MYO1B: variants seen among roughly 807,000 people sequenced by gnomAD.
The protein encoded by MYO1B is unconventional myosin-Ib.
A neutral mutation model predicts 159.7 loss-of-function variants in MYO1B; 72 were observed. The ratio of observed to expected loss-of-function variants is 0.45; its 90% CI spans 0.37 to 0.55. The LOEUF is 0.55. MYO1B is among the 20% of genes least tolerant of loss of function. MYO1B has a pLI of 0.00. For missense variants in MYO1B, 1,062 were observed against 1,364.8 expected (o/e 0.78, Z 3.50); for synonymous variants, 468 against 473.8 (o/e 0.99, Z 0.16).
chr2:191,257,177 CTT>C (rs1686504062), intron 1 of MYO1B, among the ~76,000 whole-genome samples: 1 of 152,086 alleles, frequency 6.6e-6, no homozygotes, highest in South Asian at 2.1e-4. Context: ...GTAAATATAA[CTT>C]TTCACTCTCA....
intron 7 of MYO1B, 196 bp downstream of exon 7, chr2:191,350,421 A>G: frequency 2.7e-6 from 1 of 374,016 alleles, no homozygotes; most frequent in South Asian, 5.2e-5. Flanking sequence ...ATCACTTAAC[A>G]TCTTTACCTT....
At chr2:191,417,698 A>C (rs1697659708) in intron 30 of MYO1B, among the ~76,000 whole-genome samples, 1 of 152,246 alleles carries the variant, frequency 6.6e-6, no homozygotes, top group African/African-American at 2.4e-5. Context: ...TTGCTTGTAC[A>C]GGATGCTAAT....
At chr2:191,349,845 C>T (rs895428233) in intron 6 of MYO1B, among the ~76,000 whole-genome samples, 5 of 152,272 alleles carry the variant, frequency 3.3e-5, no homozygotes, top group South Asian at 2.1e-4. Flanking sequence ...TATTTTTCTT[C>T]TGTTTTTATT....
At chr2:191,405,579 GAGCTGC>G (rs1696867871) in intron 24 of MYO1B, among the ~76,000 whole-genome samples, 1 of 152,196 alleles carries the variant, frequency 6.6e-6, no homozygotes. Context: ...CTTGATCCAT[GAGCTGC>G]AGAATGGATG....
chr2:191,358,594 G>A (rs189894882), intron 7 of MYO1B, among the ~76,000 whole-genome samples: 3 of 152,348 alleles, frequency 2.0e-5, no homozygotes, highest in Admixed American at 2.0e-4. Flanking sequence ...TGGCCAGTGT[G>A]TTGCTGTTGC....
At chr2:191,252,830 A>C (rs1686204899) in intron 1 of MYO1B, among the ~76,000 whole-genome samples, 1 of 152,204 alleles carries the variant, frequency 6.6e-6, no homozygotes, top group African/African-American at 2.4e-5. Context: ...TTGTGCTAAT[A>C]GCCTTTTCAT....
At chr2:191,387,848 A>G (rs1695486367) in intron 17 of MYO1B, 1 of 254,518 alleles carries the variant, frequency 3.9e-6, no homozygotes. Flanking sequence ...CTTAGAGCAC[A>G]GCATTGAAGC....
Position 191,416,505 on chromosome 2 carries a change from G to GA in MYO1B, c.3287+270dup, listed in dbSNP as rs1291780188. On this transcript the variant is annotated intron_variant, in intron 30 of 30. Coordinates refer to ENST00000392318, the MANE Select transcript of MYO1B (RefSeq NM_001130158.3). ...TTTTGGCTAACAAGTGTTTATGGAG[G>GA]AAAAAAAGGGTTAAGAGTCAGAGAG... 4 of 415,614 alleles carry GA rather than the reference G, an allele frequency of 9.6e-6. 1 individual carries two copies. The highest frequency in any genetic ancestry group is 1.4e-3 in the Middle Eastern group (2 of 1,452). The allele number at this position is 415,614 out of a possible 1,614,324, so 25.7% of individuals were successfully genotyped here.
At chr2:191,421,917 A>C (rs942741503) in intron 30 of MYO1B, among the ~76,000 whole-genome samples, 2 of 152,212 alleles carry the variant, frequency 1.3e-5, no homozygotes, top group African/African-American at 4.8e-5. Context: ...TTGAATCTGG[A>C]ACTATAGCTG....
At chr2:191,260,832 A>G (rs1243136990) in intron 1 of MYO1B, among the ~76,000 whole-genome samples, 1 of 152,156 alleles carries the variant, frequency 6.6e-6, no homozygotes, top group East Asian at 1.9e-4. Context: ...GTGGATTTGA[A>G]GTGTTATTTT....
chr2:191,266,874 C>A (rs1253394646), intron 1 of MYO1B, among the ~76,000 whole-genome samples: 1 of 152,222 alleles, frequency 6.6e-6, no homozygotes, highest in Non-Finnish European at 1.5e-5. Flanking sequence ...TTTTGTCATT[C>A]TCACTTTACA....
intron 23 of MYO1B, among the ~76,000 whole-genome samples, chr2:191,401,074 TAAAAC>T (rs753127109): frequency 1.7e-4 from 26 of 152,098 alleles, no homozygotes; most frequent in African/African-American, 4.8e-4. Flanking sequence ...CATTGCTCTT[TAAAAC>T]AAAACAAAAC....
chr2:191,279,040 GC>G (rs1249038101), intron 2 of MYO1B, among the ~76,000 whole-genome samples: 1 of 152,188 alleles, frequency 6.6e-6, no homozygotes, highest in Admixed American at 6.5e-5. Context: ...TTAACAAAAT[GC>G]CAAGTGTTAA....
At chr2:191,305,247 A>C (rs967211410) in intron 3 of MYO1B, among the ~76,000 whole-genome samples, 1 of 152,222 alleles carries the variant, frequency 6.6e-6, no homozygotes, top group African/African-American at 2.4e-5. Flanking sequence ...TGGCAGGGTA[A>C]GTAGGGCCAA....
At chr2:191,343,629 G>C (rs1400397053) in intron 5 of MYO1B, among the ~76,000 whole-genome samples, 2 of 152,036 alleles carry the variant, frequency 1.3e-5, no homozygotes, top group Non-Finnish European at 2.9e-5. Flanking sequence ...TTTAAGTTGG[G>C]GTGCTATACA....
At chr2:191,307,191 C>T (rs1689699204) in intron 3 of MYO1B, among the ~76,000 whole-genome samples, 2 of 150,784 alleles carry the variant, frequency 1.3e-5, no homozygotes, top group Non-Finnish European at 2.9e-5. Context: ...ATGTGTTTTC[C>T]GGGAAAGGGA....
At chr2:191,279,374 G>T (rs904198866) in intron 2 of MYO1B, among the ~76,000 whole-genome samples, 1 of 148,834 alleles carries the variant, frequency 6.7e-6, no homozygotes, top group Non-Finnish European at 1.5e-5. Context: ...ACATATGTTT[G>T]TATATATTTG....
intron 1 of MYO1B, among the ~76,000 whole-genome samples, chr2:191,264,312 T>C (rs1056162799): frequency 1.3e-5 from 2 of 152,220 alleles, no homozygotes; most frequent in Admixed American, 1.3e-4. Flanking sequence ...TTACATAGTT[T>C]ATTGGACTTT....
chr2:191,359,807 T>C (rs553506182), intron 7 of MYO1B, among the ~76,000 whole-genome samples: 1 of 152,312 alleles, frequency 6.6e-6, no homozygotes, highest in East Asian at 1.9e-4. Context: ...TAGTTGAAGT[T>C]TGCCTTTGCC....
Sources: gnomAD v4.1 joint callset for allele counts (sites outside exome capture counted in the v4.1 genomes callset) on GRCh38, gnomAD v4.1.1 for gene constraint, MANE v1.5 for transcripts, NCBI Gene and HGNC (gene_info 2026-07-23, HGNC 2026-07-21) for gene names.